Variants in SPPL2B observed in about 807,000 individuals in gnomAD.
The protein encoded by SPPL2B is signal peptide peptidase-like 2B.
In SPPL2B, 39 loss-of-function variants were observed where a neutral mutation model predicts 59.7. The ratio of observed to expected loss-of-function variants is 0.65; its 90% CI spans 0.51 to 0.85. The LOEUF is 0.85. SPPL2B is among the 40% of genes least tolerant of loss of function. The probability of loss-of-function intolerance (pLI) is 0.00; values close to 1 mark genes in which losing one functional copy is unlikely to be tolerated. For missense variants in SPPL2B, 865 were observed against 849.0 expected (o/e 1.02, Z -0.23); for synonymous variants, 419 against 370.8 (o/e 1.13, Z -1.49).
chr19:2,352,618 A>T (rs1325236063), intron 14 of SPPL2B, among the ~76,000 whole-genome samples: 1 of 152,008 alleles, frequency 6.6e-6, no homozygotes, highest in South Asian at 2.1e-4. Context: ...CCCCATTCTG[A>T]TGGGCATTTC....
Position 2,340,968 on chromosome 19 carries a change from T to C in SPPL2B, c.910T>C (p.Cys304Arg). The change falls in exon 8 of 15, where the codon TGC becomes CGC. Residue 304 changes from cysteine to arginine, a missense_variant. Cys to Arg is a radical substitution (Grantham distance 180, BLOSUM62 -3). Transcript: ENST00000613503. Reference protein sequence around the residue: ...QARMLLLALFCVAVSVVWGVF... With the variant: ...QARMLLLALFRVAVSVVWGVF... ...CCGTATGCTGCTCCTGGCGCTCTTCTGCGTGGCCGTCAGCGTGGTGTGGGG... is the reference window on the plus strand; with the variant it reads ...CCGTATGCTGCTCCTGGCGCTCTTCCGCGTGGCCGTCAGCGTGGTGTGGGG... 6.2e-7 allele frequency: 1 copy of C among 1,604,802 alleles called. No homozygotes were observed. Among genetic ancestry groups the C allele is most frequent in the Non-Finnish European group, 8.5e-7 (1 of 1,179,604 alleles).
chr19:2,353,127 G>A lies in SPPL2B; in HGVS notation c.1697G>A (p.Arg566Gln), dbSNP rs771423287. The part of the protein sequence containing the change: ...SEEMGAGAPM[R>Q]EPGSPAESEG... The stretch of plus-strand genomic sequence containing the variant: ...GAGATGGGGGCTGGAGCCCCCATGC[G>A]GGAGCCTGGGAGCCCAGCTGAATCC... The change falls in exon 15 of 15, where the codon CGG (arginine) becomes CAG (glutamine). Residue 566 changes from arginine (R) to glutamine (Q), a missense_variant. Physicochemically the swap from Arg to Gln is conservative, Grantham distance 43. Coordinates refer to ENST00000613503, the MANE Select transcript of SPPL2B (RefSeq NM_152988.3). The A allele has an allele frequency of 1.9e-5, 31 of 1,610,312 alleles. No individual in the cohort carries two copies. Among genetic ancestry groups the A allele is most frequent in the African/African-American group, 1.1e-4 (8 of 74,782 alleles).
At position 2,345,534 on chromosome 19, in the gene SPPL2B, CCT is replaced by C. The variant is rs1007062300; in HGVS notation, c.1354+207_1354+208del. 3.3e-3 allele frequency among the ~76,000 whole-genome samples: 508 copies of C among 152,120 alleles called. 6 individuals carry two copies. The highest frequency in any genetic ancestry group is 0.012 in the African/African-American group (491 of 41,458). On this transcript the variant is annotated intron_variant, in intron 13 of 14. Transcript: ENST00000613503. ...GTGGCTGGGCCTGTGCCTGCATCCC[CCT>C]CTTTCTCATTCTCCCCGGGCCTGTG... is the stretch of plus-strand genomic sequence containing the variant.
intron 1 of SPPL2B, chr19:2,330,705 CAG>C (rs1237192744): frequency 6.6e-6 from 1 of 152,438 alleles, no homozygotes; most frequent in Admixed American, 6.6e-5. Context: ...TGGCCCCAGG[CAG>C]AGAGTGAAGG....
chr19:2,345,619 C>T (rs777250312), intron 13 of SPPL2B, among the ~76,000 whole-genome samples: 4 of 149,068 alleles, frequency 2.7e-5, no homozygotes, highest in Non-Finnish European at 4.5e-5. Context: ...CCATCTTCCT[C>T]ATTCTTCCTG....
At chr19:2,340,399 C>G in intron 7 of SPPL2B, 1 of 623,958 alleles carries the variant, frequency 1.6e-6, no homozygotes, top group Non-Finnish European at 2.9e-6. Flanking sequence ...GGGAGGGTGC[C>G]CTTGTCCCCA....
At chr19:2,343,028 G>A (rs556295113) in intron 8 of SPPL2B, 183 bp from the exon 9 acceptor site, 34 of 605,044 alleles carry the variant, frequency 5.6e-5, no homozygotes, top group Non-Finnish European at 8.4e-5. Context: ...CAGCCCTGCT[G>A]GAGTTGTAAC....
In SPPL2B at chr19:2,351,459, A is replaced by G. The variant is rs1969918068; in HGVS notation, c.1380A>G (p.Thr460=). 6.2e-7 allele frequency: 1 copy of G among 1,608,210 alleles called. No homozygotes were observed. The highest frequency in any genetic ancestry group is 8.5e-7 in the Non-Finnish European group (1 of 1,178,262). Residue 460 remains threonine, a synonymous_variant, in exon 14 of 15, where the codon ACA becomes ACG. Transcript: ENST00000613503. ...CCTATGGCGTTGGCCTCCTTGTGACATTCGTGGCACTGGCCCTGATGCAGC... is the reference window on the plus strand; with the variant it reads ...CCTATGGCGTTGGCCTCCTTGTGACGTTCGTGGCACTGGCCCTGATGCAGC... The part of the protein sequence containing the change: ...TIAYGVGLLV[T]FVALALMQRG...
intron 3 of SPPL2B, 147 bp downstream of exon 3, chr19:2,337,772 C>G (rs1416761952): frequency 1.2e-6 from 1 of 815,538 alleles, no homozygotes; most frequent in Non-Finnish European, 1.8e-6. Flanking sequence ...CGAGTGTGAA[C>G]ATGGGGAGGA....
Position 2,345,270 on chromosome 19 carries a change from T to C in SPPL2B, c.1294T>C (p.Cys432Arg), listed in dbSNP as rs1969300890. 6.2e-7 allele frequency: 1 copy of C among 1,612,610 alleles called. No individual in the cohort carries two copies. Among genetic ancestry groups the C allele is most frequent in the Non-Finnish European group, 8.5e-7 (1 of 1,179,570 alleles). The change falls in exon 13 of 15, where the codon TGC becomes CGC. Residue 432 changes from cysteine to arginine, a missense_variant. Cys to Arg is a radical substitution (Grantham distance 180). Transcript: ENST00000613503. ...TCCCCCAGGGCTGCTGGTGGCCTACTGCCACAGGTTTGACATCCAGGTACA... is the reference window on the plus strand; with the variant it reads ...TCCCCCAGGGCTGCTGGTGGCCTACCGCCACAGGTTTGACATCCAGGTACA... ...ILVPGLLVAY[C>R]HRFDIQVQSS...
At chr19:2,348,998 G>GCA (rs1969703418) in intron 13 of SPPL2B, among the ~76,000 whole-genome samples, 3 of 115,090 alleles carry the variant, frequency 2.6e-5, no homozygotes, top group East Asian at 2.7e-4. Context: ...ACACACTCAC[G>GCA]CTCTCATTCG....
Position 2,353,559 on chromosome 19 carries a change from C to T in SPPL2B, c.*350C>T, listed in dbSNP as rs10423003. 0.18 allele frequency: 47,329 copies of T among 266,652 alleles called. 6,737 individuals are homozygous for T. Among genetic ancestry groups the T allele is most frequent in the African/African-American group, 0.47 (20,581 of 44,240 alleles). The allele number at this position is 266,652 out of a possible 1,614,324, so 16.5% of individuals were successfully genotyped here. A position where few individuals can be genotyped will look rare whatever the true frequency, so the allele number is the denominator to read the frequency against. ...AGCAGGCGTGGGTGGACTCTGGCCG[C>T]GGCCACACTTGGTGCTCACCAGCTG... On this transcript the variant is annotated 3_prime_UTR_variant, in exon 15 of 15. Transcript: ENST00000613503.
chr19:2,343,357 G>A, intron 9 of SPPL2B, 65 bp downstream of exon 9: 1 of 1,332,366 alleles, frequency 7.5e-7, no homozygotes, highest in Non-Finnish European at 1.1e-6. Flanking sequence ...TCCTAGCCTG[G>A]CCCGTGTGGG....
intron 13 of SPPL2B, among the ~76,000 whole-genome samples, chr19:2,349,182 G>A (rs1401344092): frequency 1.3e-3 from 18 of 13,430 alleles, no homozygotes; most frequent in African/African-American, 5.7e-3. Flanking sequence ...ACACACTCAC[G>A]CGCTGTCATT....
In SPPL2B at chr19:2,339,957, G is replaced by C. The variant is rs775584103; in HGVS notation, c.733G>C (p.Asp245His). The C allele has an allele frequency of 6.4e-7, 1 of 1,554,186 alleles. No homozygotes were observed. The highest frequency in any genetic ancestry group is 1.2e-5 in the South Asian group (1 of 84,486). The change falls in exon 6 of 15, where the codon GAT becomes CAT. Residue 245 changes from aspartate to histidine, a missense_variant. Physicochemically the swap from Asp to His is moderately conservative, Grantham distance 81. Transcript: ENST00000613503. Reference protein sequence around the residue: ...SMLVLLYYFYDLLVYVVIGIF... With the variant: ...SMLVLLYYFYHLLVYVVIGIF... Reference sequence around the variant, plus strand: ...GCTGGTGCTGCTCTACTATTTCTACGATCTCCTCGGTGCGCGGCCCCGGGC... The same window carrying C: ...GCTGGTGCTGCTCTACTATTTCTACCATCTCCTCGGTGCGCGGCCCCGGGC...
rs763922816 is a variant in SPPL2B, at chr19:2,334,731, C to T, written c.186+10C>T. 97 of 1,574,688 alleles carry T rather than the reference C, an allele frequency of 6.2e-5. No individual in the cohort carries two copies. Among genetic ancestry groups the T allele is most frequent in the Non-Finnish European group, 8.0e-5 (93 of 1,160,334 alleles). On this transcript the variant is annotated intron_variant, in intron 2 of 14. Transcript: ENST00000613503. The stretch of plus-strand genomic sequence containing the variant: ...CGACCTCAGCAAGGCAGTGAGTACC[C>T]GCTGGCCGGGCGCCGCTGCGGAGGA...
At chr19:2,341,941 A>G (rs994332348) in intron 8 of SPPL2B, 1 of 203,862 alleles carries the variant, frequency 4.9e-6, no homozygotes, top group Non-Finnish European at 1.0e-5. Flanking sequence ...AAGAAATAAT[A>G]TAAAATCAGA....
chr19:2,329,251 T>C (rs1219798818), intron 1 of SPPL2B, among the ~76,000 whole-genome samples: 24 of 152,338 alleles, frequency 1.6e-4, no homozygotes, highest in Non-Finnish European at 4.4e-5. Flanking sequence ...CCCCAGTAAC[T>C]GGCAGCATCC....
At position 2,354,553 on chromosome 19, in the gene SPPL2B, G is replaced by T. The variant is rs1599266643; in HGVS notation, c.*1344G>T. The T allele has an allele frequency of 6.6e-6, 1 of 152,252 alleles. No homozygotes were observed. Among genetic ancestry groups the T allele is most frequent in the Non-Finnish European group, 1.5e-5 (1 of 68,080 alleles). 9.4% of individuals were successfully genotyped at this position (152,252 alleles called of 1,614,324 possible). On this transcript the variant is annotated 3_prime_UTR_variant, in exon 15 of 15. Coordinates refer to ENST00000613503, the MANE Select transcript of SPPL2B (RefSeq NM_152988.3). ...ACTGCTGAGCGCTGCGCTCTCACGG[G>T]TCTGTTCCGGACAGAGGGTGGCAGG...
Sources: allele counts gnomAD v4.1 joint callset (sites outside exome capture counted in the v4.1 genomes callset), GRCh38; gene constraint gnomAD v4.1.1; transcripts MANE v1.5; gene names NCBI Gene and HGNC (gene_info 2026-07-23, HGNC 2026-07-21).